SNTG2: variants seen among roughly 807,000 people sequenced by gnomAD.
SNTG2 encodes syntrophin gamma 2.
Under a neutral mutation model 70.9 loss-of-function variants are expected in SNTG2, and 74 were observed. The observed-to-expected ratio is 1.04, with a 90% confidence interval of 0.86 to 1.27. SNTG2 has a LOEUF of 1.27. Among genes scored for constraint, SNTG2 ranks in the 50% most tolerant of loss-of-function variants. The probability of loss-of-function intolerance (pLI) is 0.00; values close to 1 mark genes in which losing one functional copy is unlikely to be tolerated. For missense variants in SNTG2, 717 were observed against 690.7 expected, an observed-to-expected ratio of 1.04 and a Z score of -0.43; for synonymous variants, 278 against 273.8, an observed-to-expected ratio of 1.02 and a Z score of -0.15.
chr2:951,258 TCTG>T (rs1659950892), intron 1 of SNTG2, among the ~76,000 whole-genome samples, 190 bp downstream of exon 1: 1 of 152,214 alleles, frequency 6.6e-6, no homozygotes, highest in African/African-American at 2.4e-5. Context: ...CCCTGGCCGC[TCTG>T]CTCCCTCCAG....
At chr2:1,137,533 A>T in intron 4 of SNTG2, 89 bp from the exon 5 acceptor site, 1 of 1,419,994 alleles carries the variant, frequency 7.0e-7, no homozygotes, top group South Asian at 1.3e-5. Flanking sequence ...CACTTCAGCT[A>T]CTGCAAGCCC....
intron 8 of SNTG2, among the ~76,000 whole-genome samples, chr2:1,195,213 A>G (rs1006047618): frequency 1.3e-5 from 2 of 152,116 alleles, no homozygotes; most frequent in African/African-American, 4.8e-5. Flanking sequence ...TTTATAGTAG[A>G]ATTATTTATA....
In SNTG2 at chr2:1,363,597, G is replaced by A. The variant is rs140236149; in HGVS notation, c.1489-3746G>A. On this transcript the variant is annotated intron_variant, in intron 16 of 16. Transcript: ENST00000308624. Reference sequence around the variant, plus strand: ...ATGACCGACATGTGAACACAGGTGAGGAGTGCAGCGAGGGATCCATACAGG... The same window carrying A: ...ATGACCGACATGTGAACACAGGTGAAGAGTGCAGCGAGGGATCCATACAGG... 6.6e-5 allele frequency among the ~76,000 whole-genome samples: 10 copies of A among 152,280 alleles called. No homozygotes were observed. In the East Asian group the frequency reaches 1.7e-3, roughly 26 times the overall value.
intron 1 of SNTG2, among the ~76,000 whole-genome samples, chr2:993,672 C>G (rs1661579107): frequency 6.6e-6 from 1 of 152,080 alleles, no homozygotes; most frequent in Non-Finnish European, 1.5e-5. Flanking sequence ...ATTCCAGTTT[C>G]TGCATGTTAC....
chr2:957,684 T>C (rs184229663), intron 1 of SNTG2, among the ~76,000 whole-genome samples: 3 of 152,130 alleles, frequency 2.0e-5, no homozygotes, highest in Admixed American at 6.5e-5. Flanking sequence ...AACATTTGTC[T>C]TCCGGCACAT....
chr2:1,261,022 A>G (rs904132261), intron 13 of SNTG2, among the ~76,000 whole-genome samples: 1 of 152,230 alleles, frequency 6.6e-6, no homozygotes, highest in African/African-American at 2.4e-5. Flanking sequence ...AGTAAATATT[A>G]TATGAAGTAT....
chr2:963,588 C>T (rs1372084575), intron 1 of SNTG2, among the ~76,000 whole-genome samples: 2 of 151,842 alleles, frequency 1.3e-5, no homozygotes, highest in Non-Finnish European at 2.9e-5. Flanking sequence ...CTAATATTTA[C>T]ACCTTTAAAG....
intron 1 of SNTG2, among the ~76,000 whole-genome samples, chr2:1,027,841 C>T (rs1572249012): frequency 6.7e-6 from 1 of 149,522 alleles, no homozygotes; most frequent in Non-Finnish European, 1.5e-5. Flanking sequence ...ACTGAAGGTG[C>T]GTCTGACCCA....
intron 9 of SNTG2, among the ~76,000 whole-genome samples, chr2:1,222,171 C>CTA (rs1675271217): frequency 6.7e-6 from 1 of 150,190 alleles, no homozygotes. Context: ...GTCTTTGTCT[C>CTA]TCTTTTTCTC....
At chr2:1,001,103 T>C (rs144237046) in intron 1 of SNTG2, among the ~76,000 whole-genome samples, 62 of 152,116 alleles carry the variant, frequency 4.1e-4, no homozygotes, top group African/African-American at 1.3e-3. Flanking sequence ...AAGCTAGGTA[T>C]TGAAGGAACA....
chr2:1,359,582 C>T (rs917836222), intron 16 of SNTG2, among the ~76,000 whole-genome samples: 2 of 152,140 alleles, frequency 1.3e-5, no homozygotes, highest in Admixed American at 6.5e-5. Context: ...GTCTCTTGTA[C>T]ACAACATATA....
intron 1 of SNTG2, among the ~76,000 whole-genome samples, chr2:1,018,957 C>G (rs1660002518): frequency 6.6e-6 from 1 of 152,270 alleles, no homozygotes; most frequent in Admixed American, 6.5e-5. Context: ...CTCCTCCTGT[C>G]CTGACAGGTT....
At chr2:1,043,108 T>A (rs1311448342) in intron 1 of SNTG2, among the ~76,000 whole-genome samples, 1 of 152,202 alleles carries the variant, frequency 6.6e-6, no homozygotes, top group African/African-American at 2.4e-5. Flanking sequence ...GATTTGCATT[T>A]CTCTAATGAT....
chr2:1,324,200 G>T (rs929519859), intron 16 of SNTG2, among the ~76,000 whole-genome samples: 2 of 152,206 alleles, frequency 1.3e-5, no homozygotes, highest in Non-Finnish European at 2.9e-5. Context: ...CCCCAGTATG[G>T]CTGAGTTGGG....
chr2:1,198,388 T>C (rs6746097), intron 8 of SNTG2, among the ~76,000 whole-genome samples: 50,979 of 151,494 alleles, frequency 0.34, 9,054 homozygotes, highest in East Asian at 0.65. Flanking sequence ...ACACACAATG[T>C]ACTAAAACAT....
rs756357197 is a variant in SNTG2 at position 1,098,443 on chromosome 2, C to T, written c.325+33C>T. 1.9e-6 allele frequency: 3 copies of T among 1,595,132 alleles called. No homozygotes were observed. The Admixed American group carries it at 5.0e-5, about 27-fold the overall frequency. ...CAGCCAAAATGACCTGTGTATGCAT[C>T]ACAGCCATTTGTGAGATAACAAATT... On this transcript the variant is annotated intron_variant, in intron 4 of 16. Coordinates refer to ENST00000308624, the MANE Select transcript of SNTG2 (RefSeq NM_018968.4).
At chr2:1,275,632 C>A (rs1679236100) in intron 14 of SNTG2, among the ~76,000 whole-genome samples, 1 of 151,670 alleles carries the variant, frequency 6.6e-6, no homozygotes, top group South Asian at 2.1e-4. Context: ...CCTCCTCATT[C>A]CACGAGACAT....
intron 4 of SNTG2, among the ~76,000 whole-genome samples, chr2:1,115,877 G>A (rs544199269): frequency 6.6e-6 from 1 of 152,230 alleles, no homozygotes; most frequent in Non-Finnish European, 1.5e-5. Context: ...ACAGGATTTT[G>A]GAAATGAATT....
intron 8 of SNTG2, among the ~76,000 whole-genome samples, chr2:1,187,743 C>T (rs769399778): frequency 7.9e-5 from 12 of 152,030 alleles, no homozygotes; most frequent in Non-Finnish European, 1.3e-4. Context: ...CAAAGAATGG[C>T]AATTTAGTTG....
Sources: gnomAD v4.1 joint callset for allele counts (sites outside exome capture counted in the v4.1 genomes callset) on GRCh38, gnomAD v4.1.1 for gene constraint, MANE v1.5 for transcripts, NCBI Gene and HGNC (gene_info 2026-07-23, HGNC 2026-07-21) for gene names.